Variants in SLC25A45 observed in about 807,000 individuals in gnomAD.
SLC25A45 encodes methylated amino-acid transporter SLC25A45.
In SLC25A45, 22 loss-of-function variants were observed where a neutral mutation model predicts 23.0. The ratio of observed to expected loss-of-function variants is 0.95; its 90% CI spans 0.68 to 1.36. The LOEUF (loss-of-function observed/expected upper bound fraction) is 1.36, where lower values mean the gene tolerates loss of function less well. Among genes scored for constraint, SLC25A45 ranks in the 40% most tolerant of loss-of-function variants. The pLI is 0.00. For missense variants in SLC25A45, 355 were observed against 383.5 expected (o/e 0.93, Z 0.62); for synonymous variants, 136 against 155.0 (o/e 0.88, Z 0.91).
At chr11:65,383,049 T>G (rs1855648951), upstream of SLC25A45, 3 of 152,578 alleles carry the variant, frequency 2.0e-5, no homozygotes, top group South Asian at 6.2e-4. Context: ...CCTGAGTGAC[T>G]GAATGAACGG....
In SLC25A45 at chr11:65,382,180, G is replaced by C; in HGVS notation, c.-18-211C>G. ...TGCAGAGTACAGTCTCACGGGCCAG[G>C]CGTGCCGGGACCACAGAGGCCCTGA... On this transcript the variant is annotated intron_variant, in intron 1 of 6. Transcript: ENST00000398802. This position sits in a 1 kb window ranked among gnomAD's most constrained non-coding sequence, Gnocchi z 4.4. The C allele has an allele frequency of 1.7e-6, 1 of 576,714 alleles. No individual in the cohort carries two copies. Among genetic ancestry groups the C allele is most frequent in the East Asian group, 2.9e-5 (1 of 34,894 alleles). 35.7% of individuals were successfully genotyped at this position (576,714 alleles called of 1,614,324 possible).
chr11:65,382,440 C>CGCT lies in SLC25A45; in HGVS notation c.-19+43_-19+45dup, dbSNP rs777949655. 46 of 179,488 alleles carry CGCT rather than the reference C, an allele frequency of 2.6e-4. No individual in the cohort carries two copies. The East Asian group carries it at 5.7e-3, about 22-fold the overall frequency. The allele number at this position is 179,488 out of a possible 1,614,324, so 11.1% of individuals were successfully genotyped here. A position where few individuals can be genotyped will look rare whatever the true frequency, so the allele number is the denominator to read the frequency against. On this transcript the variant is annotated intron_variant, in intron 1 of 6. Transcript: ENST00000398802. This position sits in a 1 kb window ranked among gnomAD's most constrained non-coding sequence, Gnocchi z 4.4. ...GGGGGTAGGCCCAGCCCGCATTTGC[C>CGCT]GCTGCGTGGCAGGGTGGGGAGGAGC...
Position 65,379,936 on chromosome 11 carries a change from C to T in SLC25A45, c.84G>A (p.Val28=). ...VLGHPFDTVK[V]RLQTQTTYRG... ...GGTAGGTGGTCTGGGTCTGCAGCCT[C>T]ACCTGGGTGGGAGGACAGAGCAGGT... is the stretch of plus-strand genomic sequence containing the variant. Residue 28 remains valine (V), a splice_region_variant and synonymous_variant, in exon 4 of 7, where the codon GTG becomes GTA. Transcript: ENST00000398802. 1.9e-6 allele frequency: 3 copies of T among 1,614,218 alleles called. No individual in the cohort carries two copies. The highest frequency in any genetic ancestry group is 2.5e-6 in the Non-Finnish European group (3 of 1,180,018).
At chr11:65,379,342 G>T in intron 5 of SLC25A45, 34 bp downstream of exon 5, 1 of 1,600,832 alleles carries the variant, frequency 6.2e-7, no homozygotes. Flanking sequence ...CCATCCCTAT[G>T]ACACCTGTGT....
intron 2 of SLC25A45, chr11:65,380,676 C>T (rs1224334243): frequency 8.8e-7 from 1 of 1,140,398 alleles, no homozygotes; most frequent in Non-Finnish European, 1.2e-6. Flanking sequence ...AGCTTCTCCC[C>T]TCCCCTCCAC....
chr11:65,377,025 T>C lies in SLC25A45; in HGVS notation c.391A>G (p.Thr131Ala). 6.2e-7 allele frequency: 1 copy of C among 1,613,906 alleles called. No individual in the cohort carries two copies. Among genetic ancestry groups the C allele is most frequent in the East Asian group, 2.2e-5 (1 of 44,880 alleles). Residue 131 changes from threonine (T) to alanine (A), a missense_variant, in exon 6 of 7, where the codon ACA becomes GCA. Physicochemically the swap from Thr to Ala is moderately conservative, Grantham distance 58. Transcript: ENST00000398802. ...DLIKVRLQNQTEPRAQPGSPP... is the reference protein window; with the variant it reads ...DLIKVRLQNQAEPRAQPGSPP... ...CTCCCTGGCTGGGCCCTTGGCTCTG[T>C]CTGGTTTTGTAGCCGGACTTTGATG...
chr11:65,377,106 G>C (rs747146440), intron 5 of SLC25A45, 30 bp from the exon 6 acceptor site: 1 of 1,601,108 alleles, frequency 6.2e-7, no homozygotes, highest in Non-Finnish European at 8.5e-7. Context: ...AGGGCCCCGG[G>C]TGGGGCTTTG....
chr11:65,382,063 G>T lies in SLC25A45; in HGVS notation c.-18-94C>A. 1 of 999,832 alleles carries T rather than the reference G, an allele frequency of 1.0e-6. No individual in the cohort carries two copies. Among genetic ancestry groups the T allele is most frequent in the Admixed American group, 1.8e-5 (1 of 56,162 alleles). The allele number at this position is 999,832 out of a possible 1,614,324, so 61.9% of individuals were successfully genotyped here. A position where few individuals can be genotyped will look rare whatever the true frequency, so the allele number is the denominator to read the frequency against. On this transcript the variant is annotated intron_variant, in intron 1 of 6. Coordinates refer to ENST00000398802, the MANE Select transcript of SLC25A45 (RefSeq NM_182556.4). The surrounding 1 kb of genome is among the most constrained non-coding windows in gnomAD (Gnocchi z 4.4). The stretch of plus-strand genomic sequence containing the variant: ...CTCCCACTAATGTTTAACCCTGGCG[G>T]GAAGGTGAGAATTGGCCTGGTGCCC...
At chr11:65,377,460 T>C in intron 5 of SLC25A45, 3 of 1,006,060 alleles carry the variant, frequency 3.0e-6, no homozygotes, top group Admixed American at 5.0e-5. Context: ...GGATTCAGCC[T>C]GTGACTGTGA....
At chr11:65,379,098 A>T in intron 5 of SLC25A45, 1 of 446,996 alleles carries the variant, frequency 2.2e-6, no homozygotes, top group Non-Finnish European at 4.0e-6. Context: ...ACCCCTCTGG[A>T]GGGGGGCAAG....
chr11:65,376,484 T>TG lies in SLC25A45; in HGVS notation c.789dup (p.Ile264HisfsTer94). On this transcript the variant is annotated frameshift_variant, in exon 7 of 7. Transcript: ENST00000398802. LOFTEE classifies it high-confidence loss of function. Reference sequence around the variant, plus strand: ...ACGGGAAAGGCGCGGGCACTGTTGATGGTGACCCCCCGGAAGAAGACTCCC... The same window carrying TG: ...ACGGGAAAGGCGCGGGCACTGTTGATGGGTGACCCCCCGGAAGAAGACTCCC... The TG allele has an allele frequency of 6.2e-7, 1 of 1,614,188 alleles. No individual in the cohort carries two copies. The highest frequency in any genetic ancestry group is 2.2e-5 in the East Asian group (1 of 44,888).
rs992436074 is a variant in SLC25A45 at position 65,376,002 on chromosome 11, G to A, written c.*405C>T. 3 of 184,574 alleles carry A rather than the reference G, an allele frequency of 1.6e-5. No individual in the cohort carries two copies. Among genetic ancestry groups the A allele is most frequent in the East Asian group, 1.4e-4 (1 of 6,996 alleles). 11.4% of individuals were successfully genotyped at this position (184,574 alleles called of 1,614,324 possible). A position where few individuals can be genotyped will look rare whatever the true frequency, so the allele number is the denominator to read the frequency against. On this transcript the variant is annotated 3_prime_UTR_variant, in exon 7 of 7. Coordinates refer to ENST00000398802, the MANE Select transcript of SLC25A45 (RefSeq NM_182556.4). ...GCTTGAACCCGGAAGGTGGAAAGGC[G>A]GAGGTTGCAGTGAGCCGAGATCACG...
intron 2 of SLC25A45, 98 bp downstream of exon 2, chr11:65,381,817 C>G: frequency 6.6e-7 from 1 of 1,505,212 alleles, no homozygotes; most frequent in Non-Finnish European, 9.2e-7. Context: ...CAGGCCGGAA[C>G]TCAGACTTTG....
At position 65,382,116 on chromosome 11, in the gene SLC25A45, C is replaced by A; in HGVS notation, c.-18-147G>T. The A allele has an allele frequency of 3.0e-6, 2 of 665,280 alleles. No individual in the cohort carries two copies. The highest frequency in any genetic ancestry group is 4.4e-5 in the Admixed American group (2 of 45,268). 41.2% of individuals were successfully genotyped at this position (665,280 alleles called of 1,614,324 possible). A position where few individuals can be genotyped will look rare whatever the true frequency, so the allele number is the denominator to read the frequency against. On this transcript the variant is annotated intron_variant, in intron 1 of 6. Coordinates refer to ENST00000398802, the MANE Select transcript of SLC25A45 (RefSeq NM_182556.4). The surrounding 1 kb of genome is among the most constrained non-coding windows in gnomAD (Gnocchi z 4.4). ...ACCTCCGGCAACTGGCAGAGGAGAG[C>A]GAGCCAGTTCCGGTGACCCTGGCCA...
At position 65,376,273 on chromosome 11, in the gene SLC25A45, G is replaced by A. The variant is rs187417297; in HGVS notation, c.*134C>T. 21 of 1,138,910 alleles carry A rather than the reference G, an allele frequency of 1.8e-5. No homozygotes were observed. The highest frequency in any genetic ancestry group is 5.2e-5 in the East Asian group (2 of 38,726). 70.6% of individuals were successfully genotyped at this position (1,138,910 alleles called of 1,614,324 possible). On this transcript the variant is annotated 3_prime_UTR_variant, in exon 7 of 7. Transcript: ENST00000398802. ...AGGTGTCTGCCCAGCCCAGATCTGCGCGGGTGGGAGGCACCTTGGTTAGGA... is the reference window on the plus strand; with the variant it reads ...AGGTGTCTGCCCAGCCCAGATCTGCACGGGTGGGAGGCACCTTGGTTAGGA...
intron 4 of SLC25A45, 95 bp from the exon 5 acceptor site, chr11:65,379,656 T>A (rs778123000): frequency 6.6e-6 from 9 of 1,373,084 alleles, no homozygotes; most frequent in Middle Eastern, 2.0e-4. Context: ...TGGAAACTGC[T>A]CCCAAGTCCT....
intron 5 of SLC25A45, chr11:65,379,041 A>T: frequency 3.1e-6 from 1 of 325,106 alleles, no homozygotes; most frequent in Non-Finnish European, 5.8e-6. Flanking sequence ...CTCCAGGGTC[A>T]AAGGTCTCCT....
At position 65,379,902 on chromosome 11, in the gene SLC25A45, C is replaced by T. The variant is rs74531249; in HGVS notation, c.118G>A (p.Val40Ile). ...LQTQTTYRGI[V>I]DCMVKIYRHE... ...CGGTAAATCTTGACCATGCAATCAA[C>T]GATGCCCCGGTAGGTGGTCTGGGTC... Residue 40 changes from valine (V) to isoleucine (I), a missense_variant, in exon 4 of 7, where the codon GTT becomes ATT. Val to Ile is a conservative substitution (Grantham distance 29, BLOSUM62 3). Transcript: ENST00000398802. The T allele has an allele frequency of 5.7e-4, 928 of 1,614,198 alleles. 5 individuals are homozygous for T. The African/African-American group carries it at 0.011, about 19-fold the overall frequency.
At chr11:65,377,579 T>G in intron 5 of SLC25A45, 1 of 194,282 alleles carries the variant, frequency 5.1e-6, no homozygotes, top group Non-Finnish European at 9.4e-6. Flanking sequence ...CAGCCCCTCC[T>G]GCCTCCAGAG....
Sources: allele counts gnomAD v4.1 joint callset, GRCh38; gene constraint gnomAD v4.1.1; non-coding constraint Gnocchi (gnomAD v3.1); transcripts MANE v1.5; gene names NCBI Gene and HGNC (gene_info 2026-07-23, HGNC 2026-07-21).